Variants in ZNF808 observed in about 807,000 individuals in gnomAD.
ZNF808 encodes zinc finger protein 808.
In ZNF808, 5 loss-of-function variants were observed where a neutral mutation model predicts 8.7. The ratio of observed to expected loss-of-function variants is 0.58; its 90% CI spans 0.30 to 1.21. The LOEUF (loss-of-function observed/expected upper bound fraction) is 1.21, where lower values mean the gene tolerates loss of function less well. Ranked by LOEUF, ZNF808 falls within the 50% of genes most tolerant of loss-of-function variation. The probability of loss-of-function intolerance (pLI) is 0.07; values close to 1 mark genes in which losing one functional copy is unlikely to be tolerated. For synonymous variants in ZNF808, 380 were observed against 366.0 expected (o/e 1.04, Z -0.44); for missense variants, 1,103 against 1,098.4 (o/e 1.00, Z -0.06).
intron 1 of ZNF808, chr19:52,527,951 A>T (rs565661792): frequency 1.3e-5 from 2 of 152,326 alleles, no homozygotes; most frequent in Non-Finnish European, 2.9e-5. Flanking sequence ...TCTATTGCGT[A>T]GTTTTTCTGC....
chr19:52,561,192 CTCTCTCTCTCTCTCTCTCTCTATATATA>C (rs1330309435), downstream of ZNF808, among the ~76,000 whole-genome samples: 66 of 67,368 alleles, frequency 9.8e-4, no homozygotes, highest in Non-Finnish European at 1.2e-3. Context: ...CTCTCTCTCT[CTCTCTCTCTCTCTCTCTCTCTATATATA>C]TATATATATA....
At chr19:52,548,014 C>G (rs186470518) in intron 4 of ZNF808, among the ~76,000 whole-genome samples, 36 of 152,274 alleles carry the variant, frequency 2.4e-4, no homozygotes, top group Middle Eastern at 3.4e-3. Context: ...GCTGGGATTA[C>G]AGGCGTGAGC....
At chr19:52,529,203 C>G (rs962983585) in intron 1 of ZNF808, among the ~76,000 whole-genome samples, 1 of 148,472 alleles carries the variant, frequency 6.7e-6, no homozygotes, top group South Asian at 2.1e-4. Flanking sequence ...TAGTGAGACC[C>G]CTATCTCTGC....
At chr19:52,567,049 T>G (rs1474996274), downstream of ZNF808, among the ~76,000 whole-genome samples, 5 of 151,552 alleles carry the variant, frequency 3.3e-5, no homozygotes, top group Admixed American at 3.3e-4. Context: ...CCTTCCGGGT[T>G]CAAGCGATTC....
downstream of ZNF808, among the ~76,000 whole-genome samples, chr19:52,567,489 A>ATTT (rs2059875850): frequency 8.2e-5 from 1 of 12,196 alleles, no homozygotes; most frequent in Non-Finnish European, 2.4e-4. Flanking sequence ...TGTATTTTTT[A>ATTT]TTATTATTAT....
At position 52,555,345 on chromosome 19, in the gene ZNF808, T is replaced by C. The variant is rs371284856; in HGVS notation, c.2429T>C (p.Ile810Thr). The change falls in exon 5 of 5, where the codon ATT becomes ACT. Residue 810 changes from isoleucine to threonine, a missense_variant. By Grantham distance (89) the Ile-to-Thr change is moderately conservative. Transcript: ENST00000359798. Reference sequence around the variant, plus strand: ...CGTAATTCATACCTGGCAAGACATATTAGAATTCACACTGCAGAGAAACCT... The same window carrying C: ...CGTAATTCATACCTGGCAAGACATACTAGAATTCACACTGCAGAGAAACCT... The part of the protein sequence containing the change: ...FVRNSYLARH[I>T]RIHTAEKPYK... The C allele has an allele frequency of 2.3e-5, 37 of 1,613,890 alleles. 1 individual carries two copies. In the East Asian group the frequency reaches 6.9e-4, roughly 30 times the overall value.
At chr19:52,551,949 G>C (rs1183592346) in intron 4 of ZNF808, among the ~76,000 whole-genome samples, 1 of 152,064 alleles carries the variant, frequency 6.6e-6, no homozygotes, top group Non-Finnish European at 1.5e-5. Flanking sequence ...GTTGCAGTGA[G>C]CTGAGATTAC....
chr19:52,553,621 G>A lies in ZNF808; in HGVS notation c.705G>A (p.Glu235=), dbSNP rs1457676053. ...GAGAAAAATCTTTCCCATGTAATGA[G>A]AGTGGCAAAGCCTTTAATTGTAGCT... ...HMREKSFPCN[E]SGKAFNCSSL... The change falls in exon 5 of 5, where the codon GAG becomes GAA. Residue 235 remains glutamate, a synonymous_variant. Coordinates refer to ENST00000359798, the MANE Select transcript of ZNF808 (RefSeq NM_001039886.4). 2.5e-6 allele frequency: 4 copies of A among 1,614,192 alleles called. No homozygotes were observed. Among genetic ancestry groups the A allele is most frequent in the Non-Finnish European group, 3.4e-6 (4 of 1,180,038 alleles).
At chr19:52,562,756 C>T (rs928601097) in intron 3 of ZNF808, among the ~76,000 whole-genome samples, 1 of 150,996 alleles carries the variant, frequency 6.6e-6, no homozygotes, top group Non-Finnish European at 1.5e-5. Flanking sequence ...CATAATTGAA[C>T]CCTCTGACAC....
In ZNF808 at chr19:52,554,146, T is replaced by A; in HGVS notation, c.1230T>A (p.His410Gln). The change falls in exon 5 of 5, where the codon CAT (histidine) becomes CAA (glutamine). Residue 410 changes from histidine to glutamine, a missense_variant. Coordinates refer to ENST00000359798, the MANE Select transcript of ZNF808 (RefSeq NM_001039886.4). ...KCNECGKAFN[H>Q]QSSLARHHIL... ...ATGAGTGTGGTAAGGCTTTTAATCA[T>A]CAATCAAGCCTTGCACGTCATCATA... is the stretch of plus-strand genomic sequence containing the variant. 6.2e-7 allele frequency: 1 copy of A among 1,613,864 alleles called. No homozygotes were observed. Among genetic ancestry groups the A allele is most frequent in the Non-Finnish European group, 8.5e-7 (1 of 1,179,958 alleles).
intron 2 of ZNF808, among the ~76,000 whole-genome samples, chr19:52,536,980 A>C (rs1392425053): frequency 6.8e-6 from 1 of 146,802 alleles, no homozygotes; most frequent in Non-Finnish European, 1.5e-5. Flanking sequence ...TGAGATCCGG[A>C]GTTCGAGACC....
downstream of ZNF808, among the ~76,000 whole-genome samples, chr19:52,559,938 A>G (rs770770390): frequency 7.9e-5 from 12 of 152,198 alleles, no homozygotes; most frequent in Non-Finnish European, 1.6e-4. Context: ...GGATAAGCCC[A>G]TGGTTTATGT....
In ZNF808 at chr19:52,529,571, T is replaced by A. The variant is rs148807881; in HGVS notation, c.-122+1860T>A. Among the ~76,000 whole-genome samples the A allele has an allele frequency of 9.5e-4, 145 of 152,246 alleles. 3 individuals carry two copies. The East Asian group carries it at 0.02, about 21-fold the overall frequency. On this transcript the variant is annotated intron_variant, in intron 1 of 4. Transcript: ENST00000359798. ...ATTCTATAAATCTTGGCATCAGAGG[T>A]TATGTTCCACTTGGAATCCCTATTC...
intron 1 of ZNF808, among the ~76,000 whole-genome samples, chr19:52,532,040 A>C (rs1348109019): frequency 1.3e-5 from 2 of 152,114 alleles, no homozygotes; most frequent in African/African-American, 4.8e-5. Context: ...AAATGTACTT[A>C]TTATTTGCTT....
intron 4 of ZNF808, among the ~76,000 whole-genome samples, chr19:52,552,416 T>C (rs1260749938): frequency 1.3e-5 from 2 of 149,736 alleles, no homozygotes; most frequent in South Asian, 2.1e-4. Context: ...TTTTTCTTTT[T>C]TTTTTTTTTC....
chr19:52,542,777 A>C (rs766448027), intron 2 of ZNF808, among the ~76,000 whole-genome samples: 1 of 152,010 alleles, frequency 6.6e-6, no homozygotes, highest in Admixed American at 6.6e-5. Flanking sequence ...TAGGTCACAG[A>C]GAAATGAGGC....
rs755008379 is a variant in ZNF808 at position 52,553,666 on chromosome 19, G to A, written c.750G>A (p.Gln250=). The A allele has an allele frequency of 8.7e-6, 14 of 1,614,166 alleles. No homozygotes were observed. The South Asian group carries it at 1.4e-4, about 16-fold the overall frequency. Residue 250 remains glutamine (Q), a synonymous_variant, in exon 5 of 5, where the codon CAG becomes CAA. Transcript: ENST00000359798. The part of the protein sequence containing the change: ...FNCSSLLRKH[Q]IPHLGDKQYK... ...GTAGCTCACTCTTAAGGAAACACCA[G>A]ATACCCCATTTAGGAGACAAACAAT... is the stretch of plus-strand genomic sequence containing the variant.
Position 52,531,985 on chromosome 19 carries a change from G to A in ZNF808, c.-121-923G>A, listed in dbSNP as rs766613399. On this transcript the variant is annotated intron_variant, in intron 1 of 4. Transcript: ENST00000359798. ...GTGCTGGTGGTAAGTAGAAGTTGTGGCTTTTTTCTTGAGAGAGAATTGTTT... is the reference window on the plus strand; with the variant it reads ...GTGCTGGTGGTAAGTAGAAGTTGTGACTTTTTTCTTGAGAGAGAATTGTTT... 2.6e-5 allele frequency among the ~76,000 whole-genome samples: 4 copies of A among 152,212 alleles called. No individual in the cohort carries two copies. In the South Asian group the frequency reaches 8.3e-4, roughly 32 times the overall value.
chr19:52,551,989 C>G (rs1306032060), intron 4 of ZNF808, among the ~76,000 whole-genome samples: 1 of 151,888 alleles, frequency 6.6e-6, no homozygotes, highest in Admixed American at 6.6e-5. Context: ...GAGTGCAAGA[C>G]TCCTTCTCAA....
Sources: gnomAD v4.1 joint callset for allele counts (sites outside exome capture counted in the v4.1 genomes callset) on GRCh38, gnomAD v4.1.1 for gene constraint, MANE v1.5 for transcripts, NCBI Gene and HGNC (gene_info 2026-07-23, HGNC 2026-07-21) for gene names.